The following INPP4B variants were observed in gnomAD, a reference collection of about 807,000 sequenced individuals.
INPP4B encodes inositol polyphosphate 4-phosphatase type II.
In INPP4B, 55 loss-of-function variants were observed where a neutral mutation model predicts 122.5. The ratio of observed to expected loss-of-function variants is 0.45; its 90% CI spans 0.36 to 0.56. The LOEUF is 0.56. Among genes scored for constraint, INPP4B ranks in the 20% least tolerant of loss-of-function variants. INPP4B has a pLI of 0.00. For missense variants in INPP4B, 1,000 were observed against 1,097.7 expected (o/e 0.91, Z 1.26); for synonymous variants, 403 against 388.7 (o/e 1.04, Z -0.43).
chr4:142,812,243 A>G (rs1779604884), intron 1 of INPP4B, among the ~76,000 whole-genome samples: 2 of 152,148 alleles, frequency 1.3e-5, no homozygotes, highest in African/African-American at 4.8e-5. Flanking sequence ...CACCCATGGT[A>G]TTTTAGCCTT....
chr4:142,688,345 C>T lies in INPP4B; in HGVS notation c.-191+37494G>A, dbSNP rs187728372. Among the ~76,000 whole-genome samples, 14 of 152,218 alleles carry T rather than the reference C, an allele frequency of 9.2e-5. 1 individual carries two copies. Among genetic ancestry groups the T allele is most frequent in the Admixed American group, 9.2e-4 (14 of 15,272 alleles). ...ACAGCAGGACTGTGTACCATTCCCC[C>T]AAATACACCATGAGTGATTTTTTTT... is the stretch of plus-strand genomic sequence containing the variant. On this transcript the variant is annotated intron_variant, in intron 2 of 25. Transcript: ENST00000262992.
chr4:142,627,987 G>A (rs1273131144), intron 2 of INPP4B, among the ~76,000 whole-genome samples: 1 of 152,062 alleles, frequency 6.6e-6, no homozygotes, highest in East Asian at 1.9e-4. Flanking sequence ...TTGGAAGAGT[G>A]TATGTGTCGA....
At chr4:142,842,686 T>TAATATAATATATAATATATA (rs1466495899) in intron 1 of INPP4B, among the ~76,000 whole-genome samples, 2 of 131,350 alleles carry the variant, frequency 1.5e-5, no homozygotes, top group Admixed American at 8.6e-5. Context: ...ATTAATATAT[T>TAATATAATATATAATATATA]AATATAATAT....
chr4:142,732,446 A>G (rs1027777612), intron 1 of INPP4B, among the ~76,000 whole-genome samples: 1 of 151,974 alleles, frequency 6.6e-6, no homozygotes, highest in Non-Finnish European at 1.5e-5. Context: ...AATGAAAATA[A>G]TGTTTTTAAA....
intron 2 of INPP4B, among the ~76,000 whole-genome samples, chr4:142,644,688 G>A (rs1049881053): frequency 6.3e-5 from 9 of 142,076 alleles, no homozygotes; most frequent in African/African-American, 2.4e-4. Context: ...GATCACCTAA[G>A]GTCAGAAATT....
chr4:142,145,264 T>C (rs932700257), intron 18 of INPP4B, among the ~76,000 whole-genome samples: 2 of 152,118 alleles, frequency 1.3e-5, no homozygotes, highest in Non-Finnish European at 2.9e-5. Flanking sequence ...GAAAAACACA[T>C]GCACTCACAT....
chr4:142,300,158 A>G (rs1760781165), intron 9 of INPP4B, among the ~76,000 whole-genome samples: 1 of 152,294 alleles, frequency 6.6e-6, no homozygotes, highest in African/African-American at 2.4e-5. Flanking sequence ...GTTCACACCA[A>G]CTTACAGGAT....
At chr4:142,288,958 G>T (rs954488540) in intron 9 of INPP4B, among the ~76,000 whole-genome samples, 2 of 152,114 alleles carry the variant, frequency 1.3e-5, no homozygotes, top group Non-Finnish European at 2.9e-5. Context: ...CTGGAATATT[G>T]CTTGGGTTTA....
At chr4:142,239,689 T>C (rs1056382061) in intron 11 of INPP4B, among the ~76,000 whole-genome samples, 1 of 152,130 alleles carries the variant, frequency 6.6e-6, no homozygotes, top group South Asian at 2.1e-4. Context: ...TATTATGGTG[T>C]CCATATACCA....
At chr4:142,767,826 A>G (rs774374159) in intron 1 of INPP4B, 3 of 152,130 alleles carry the variant, frequency 2.0e-5, no homozygotes. Context: ...TAGAGAATTT[A>G]CCCACCAGCT....
chr4:142,732,112 A>C (rs1009026069), intron 1 of INPP4B, among the ~76,000 whole-genome samples: 1 of 152,200 alleles, frequency 6.6e-6, no homozygotes, highest in African/African-American at 2.4e-5. Flanking sequence ...ATCCCAGATA[A>C]AAAAGAACTT....
intron 2 of INPP4B, among the ~76,000 whole-genome samples, chr4:142,599,362 T>C (rs1409254863): frequency 1.3e-5 from 2 of 152,312 alleles, no homozygotes; most frequent in African/African-American, 4.8e-5. Flanking sequence ...AGATTCACCA[T>C]AGCCTTCATT....
intron 1 of INPP4B, among the ~76,000 whole-genome samples, chr4:142,818,062 AT>A (rs1234200321): frequency 6.6e-6 from 1 of 152,182 alleles, no homozygotes; most frequent in Non-Finnish European, 1.5e-5. Context: ...GATAGGAAAA[AT>A]ATCAAGTCTT....
chr4:142,455,790 T>C (rs573811571), intron 3 of INPP4B, among the ~76,000 whole-genome samples: 99 of 152,210 alleles, frequency 6.5e-4, no homozygotes, highest in Middle Eastern at 3.4e-3. Flanking sequence ...GGGGGTTCCC[T>C]TTCTGCACAT....
intron 23 of INPP4B, among the ~76,000 whole-genome samples, chr4:142,098,339 C>T (rs1318259920): frequency 6.6e-6 from 1 of 151,382 alleles, no homozygotes; most frequent in Non-Finnish European, 1.5e-5. Flanking sequence ...ATTCTGAAAA[C>T]AAACAAACAA....
At chr4:142,419,786 T>C (rs1204269375) in intron 5 of INPP4B, among the ~76,000 whole-genome samples, 1 of 152,132 alleles carries the variant, frequency 6.6e-6, no homozygotes, top group Non-Finnish European at 1.5e-5. Flanking sequence ...TTAAGATACA[T>C]TTGGATGCCA....
chr4:142,639,383 TTC>T (rs149950676), intron 2 of INPP4B, among the ~76,000 whole-genome samples: 1,748 of 152,288 alleles, frequency 0.011, 28 homozygotes, highest in African/African-American at 0.032. Flanking sequence ...TACTAAAACT[TTC>T]TGTTTTAATG....
At chr4:142,474,777 G>A (rs1054728474) in intron 2 of INPP4B, among the ~76,000 whole-genome samples, 1 of 151,960 alleles carries the variant, frequency 6.6e-6, no homozygotes, top group Non-Finnish European at 1.5e-5. Flanking sequence ...CCAGATGGCT[G>A]GATAAGTGAC....
intron 2 of INPP4B, among the ~76,000 whole-genome samples, chr4:142,615,283 T>G (rs1043426361): frequency 6.6e-6 from 1 of 152,102 alleles, no homozygotes; most frequent in African/African-American, 2.4e-5. Context: ...TTTATACATT[T>G]TAGAAAGGAA....
Sources: allele counts gnomAD v4.1 joint callset (sites outside exome capture counted in the v4.1 genomes callset), GRCh38; gene constraint gnomAD v4.1.1; transcripts MANE v1.5; gene names NCBI Gene and HGNC (gene_info 2026-07-23, HGNC 2026-07-21).